HMCN1: variants seen among roughly 807,000 people sequenced by gnomAD.
The protein encoded by HMCN1 is hemicentin-1.
Under a neutral mutation model 625.9 loss-of-function variants are expected in HMCN1, and 321 were observed. The observed-to-expected ratio is 0.51, with a 90% CI of 0.47 to 0.56. The LOEUF is 0.56. HMCN1 is among the 20% of genes least tolerant of loss of function. HMCN1 has a pLI of 0.00. For synonymous variants in HMCN1, 2,425 were observed against 2,417.6 expected (o/e 1.00, Z -0.09); for missense variants, 6,588 against 6,887.3 (o/e 0.96, Z 1.54).
In HMCN1 at chr1:186,088,588, C is replaced by CTTTGTTT; in HGVS notation, c.9578-17_9578-11dup. ...AAAGGTTTTTTTATGTTTTATTGTG[C>CTTTGTTT]TTTGTTTCTACCTCTAGAAAATTCT... is the stretch of plus-strand genomic sequence containing the variant. On this transcript the variant is annotated splice_polypyrimidine_tract_variant and intron_variant, in intron 62 of 106. Coordinates refer to ENST00000271588, the MANE Select transcript of HMCN1 (RefSeq NM_031935.3). 1 of 1,609,198 alleles carries CTTTGTTT rather than the reference C, an allele frequency of 6.2e-7. No homozygotes were observed. The highest frequency in any genetic ancestry group is 8.5e-7 in the Non-Finnish European group (1 of 1,177,434).
intron 85 of HMCN1, 25 bp from the exon 86 acceptor site, chr1:186,132,303 G>A (rs1265268252): frequency 6.3e-7 from 1 of 1,585,866 alleles, no homozygotes; most frequent in Non-Finnish European, 8.6e-7. Context: ...TCATATTTTT[G>A]TAAAAACGCT....
At chr1:185,982,656 G>A (rs1434673869) in intron 18 of HMCN1, among the ~76,000 whole-genome samples, 1 of 151,820 alleles carries the variant, frequency 6.6e-6, no homozygotes, top group Non-Finnish European at 1.5e-5. Context: ...TGCCAGGCTG[G>A]TCTCAAACTC....
intron 95 of HMCN1, 145 bp downstream of exon 95, chr1:186,151,888 C>T (rs1346768811): frequency 1.1e-5 from 9 of 814,906 alleles, no homozygotes; most frequent in Non-Finnish European, 1.8e-5. Flanking sequence ...TTCATGTTTT[C>T]CTGTAAACTT....
rs115539402 is a variant in HMCN1 at position 185,913,608 on chromosome 1, C to T, written c.900+1828C>T. Among the ~76,000 whole-genome samples the T allele has an allele frequency of 9.5e-3, 1,449 of 152,192 alleles. 16 individuals are homozygous for T. The highest frequency in any genetic ancestry group is 0.017 in the Middle Eastern group (5 of 292). On this transcript the variant is annotated intron_variant, in intron 6 of 106. Transcript: ENST00000271588. Reference sequence around the variant, plus strand: ...CATTATTGACTGTGAAATACGTGCACGTGAGGCCATTCTTCCATGTTAGTA... The same window carrying T: ...CATTATTGACTGTGAAATACGTGCATGTGAGGCCATTCTTCCATGTTAGTA...
intron 4 of HMCN1, among the ~76,000 whole-genome samples, chr1:185,895,010 T>G (rs1025867608): frequency 6.7e-6 from 1 of 149,618 alleles, no homozygotes; most frequent in African/African-American, 2.6e-5. Context: ...CTTTCCTAAC[T>G]TCTGAGTCAC....
intron 15 of HMCN1, among the ~76,000 whole-genome samples, chr1:185,975,856 G>T (rs1411617364): frequency 6.6e-6 from 1 of 151,554 alleles, no homozygotes. Context: ...CAATGTACTG[G>T]GTGAAGGTTG....
intron 8 of HMCN1, 21 bp from the exon 9 acceptor site, chr1:185,925,026 T>A (rs781306389): frequency 6.3e-7 from 1 of 1,580,642 alleles, no homozygotes; most frequent in Non-Finnish European, 8.6e-7. Flanking sequence ...TTTTTGTTTT[T>A]GTTTTTGTTT....
intron 1 of HMCN1, among the ~76,000 whole-genome samples, chr1:185,824,938 G>A (rs1005787849): frequency 6.6e-6 from 1 of 152,012 alleles, no homozygotes; most frequent in African/African-American, 2.4e-5. Flanking sequence ...TATTATTGCG[G>A]CCAAAGATAG....
intron 97 of HMCN1, among the ~76,000 whole-genome samples, chr1:186,158,898 A>G (rs9659832): frequency 0.053 from 8,038 of 152,100 alleles, 478 homozygotes; most frequent in African/African-American, 0.16. Flanking sequence ...CTTTTGGCTT[A>G]GGATTGACTT....
At chr1:185,767,000 A>G (rs892467685) in intron 1 of HMCN1, among the ~76,000 whole-genome samples, 2 of 149,284 alleles carry the variant, frequency 1.3e-5, no homozygotes, top group Non-Finnish European at 3.0e-5. Flanking sequence ...AATAGAATTC[A>G]GAGAAATCAT....
At chr1:185,862,357 G>A (rs1015795864) in intron 2 of HMCN1, among the ~76,000 whole-genome samples, 4 of 152,090 alleles carry the variant, frequency 2.6e-5, no homozygotes, top group African/African-American at 9.7e-5. Context: ...TGACTAGTGG[G>A]AAGTGAAGAG....
At chr1:186,164,844 T>C (rs1651777509) in intron 97 of HMCN1, among the ~76,000 whole-genome samples, 1 of 152,232 alleles carries the variant, frequency 6.6e-6, no homozygotes, top group Non-Finnish European at 1.5e-5. Flanking sequence ...CCTTTTTAGT[T>C]ATCACATAAT....
At chr1:185,853,242 T>A (rs1489400609) in intron 2 of HMCN1, among the ~76,000 whole-genome samples, 1 of 152,128 alleles carries the variant, frequency 6.6e-6, no homozygotes, top group Non-Finnish European at 1.5e-5. Context: ...CTATCTCCAA[T>A]CACTTTGAGT....
At chr1:185,773,440 G>T (rs930685617) in intron 1 of HMCN1, among the ~76,000 whole-genome samples, 12 of 152,174 alleles carry the variant, frequency 7.9e-5, no homozygotes, top group Non-Finnish European at 1.8e-4. Context: ...CTTAAAGTAA[G>T]TGATACACTT....
chr1:186,174,737 G>A (rs893176579), intron 103 of HMCN1, 95 bp downstream of exon 103: 1 of 1,100,338 alleles, frequency 9.1e-7, no homozygotes, highest in African/African-American at 1.5e-5. Context: ...TCCTCAAATG[G>A]TCTCTTGTTA....
intron 17 of HMCN1, 36 bp from the exon 18 acceptor site, chr1:185,982,226 T>A: frequency 1.9e-6 from 3 of 1,611,748 alleles, no homozygotes; most frequent in Non-Finnish European, 2.5e-6. Context: ...TTGGGTGAAA[T>A]AGAGTTGAAA....
intron 48 of HMCN1, 47 bp downstream of exon 48, chr1:186,062,647 T>C (rs1558187434): frequency 8.1e-7 from 1 of 1,227,098 alleles, no homozygotes; most frequent in African/African-American, 1.5e-5. Context: ...CACTCACTGA[T>C]AGTCATTGCC....
chr1:185,993,486 AT>A (rs773827273), intron 23 of HMCN1, 177 bp downstream of exon 23: 14 of 617,906 alleles, frequency 2.3e-5, no homozygotes, highest in Non-Finnish European at 3.9e-5. Flanking sequence ...TCTTCCTGCT[AT>A]TTATAAACAA....
At chr1:186,103,355 G>A (rs1660469653) in intron 68 of HMCN1, 117 bp from the exon 69 acceptor site, 2 of 822,024 alleles carry the variant, frequency 2.4e-6, no homozygotes, top group Admixed American at 4.0e-5. Context: ...CACTTTCCTT[G>A]TTCTAATCAA....
Sources: gnomAD v4.1 joint callset for allele counts (sites outside exome capture counted in the v4.1 genomes callset) on GRCh38, gnomAD v4.1.1 for gene constraint, MANE v1.5 for transcripts, NCBI Gene and HGNC (gene_info 2026-07-23, HGNC 2026-07-21) for gene names.